TMEM59L: variants seen among roughly 807,000 people sequenced by gnomAD.
TMEM59L encodes the protein transmembrane protein 59 like.
Under a neutral mutation model 39.6 loss-of-function variants are expected in TMEM59L, and 31 were observed. That is an observed-to-expected ratio of 0.78 (90% CI 0.59 to 1.06). TMEM59L has a LOEUF of 1.06. Among genes scored for constraint, TMEM59L ranks in the 50% least tolerant of loss-of-function variants. The pLI is 0.00. For missense variants in TMEM59L, 441 were observed against 451.3 expected (o/e 0.98, Z 0.21); for synonymous variants, 219 against 202.9 (o/e 1.08, Z -0.68).
intron 1 of TMEM59L, 90 bp from the exon 2 acceptor site, chr19:18,613,782 C>G (rs1261590082): frequency 9.5e-7 from 1 of 1,047,560 alleles, no homozygotes; most frequent in Non-Finnish European, 1.4e-6. Flanking sequence ...AGCGGGGAAG[C>G]CTTTCCCTGC....
chr19:18,618,441 G>A lies in TMEM59L; in HGVS notation c.849G>A (p.Trp283Ter), dbSNP rs748620615. ...TCCTCTCCGTGCTGGTGATGCTGTG[G>A]CTGAGCTGCTCCACCCTGGTGACCG... ...CLFLSVLVML[W>*]LSCSTLVTAP... Residue 283 changes from tryptophan (W) to a stop codon, truncating the protein, a stop_gained, in exon 7 of 8, where the codon TGG becomes TGA. Transcript: ENST00000262817. LOFTEE classifies it high-confidence loss of function. 2 of 1,608,112 alleles carry A rather than the reference G, an allele frequency of 1.2e-6. No homozygotes were observed. Among genetic ancestry groups the A allele is most frequent in the Non-Finnish European group, 1.7e-6 (2 of 1,179,108 alleles).
At chr19:18,613,850 C>T (rs769976618) in intron 1 of TMEM59L, 22 bp from the exon 2 acceptor site, 26 of 1,604,490 alleles carry the variant, frequency 1.6e-5, no homozygotes, top group Middle Eastern at 1.7e-4. Flanking sequence ...TGGCCTGAGC[C>T]CCCTGTCCTC....
intron 3 of TMEM59L, among the ~76,000 whole-genome samples, chr19:18,614,743 G>A (rs537253081): frequency 1.3e-3 from 194 of 152,228 alleles, no homozygotes; most frequent in Non-Finnish European, 2.2e-3. Context: ...TCGCAAGCAC[G>A]CACACACTGC....
chr19:18,613,913 C>G lies in TMEM59L; in HGVS notation c.213C>G (p.Ala71=). 3.1e-6 allele frequency: 5 copies of G among 1,613,080 alleles called. No homozygotes were observed. The highest frequency in any genetic ancestry group is 1.7e-5 in the Admixed American group (1 of 60,018). ...CCTCCGAGTCTCCCTATGACAGAGC[C>G]GTTCTGATCAGCGCTTGCGAGCGTG... ...EGASESPYDR[A]VLISACERGC... is the part of the protein sequence containing the mutation. The change falls in exon 2 of 8, where the codon GCC becomes GCG. Residue 71 remains alanine, a synonymous_variant. Coordinates refer to ENST00000262817, the MANE Select transcript of TMEM59L (RefSeq NM_012109.3).
chr19:18,617,286 T>C (rs1383013513), intron 5 of TMEM59L, 184 bp downstream of exon 5: 1 of 682,108 alleles, frequency 1.5e-6, no homozygotes, highest in Non-Finnish European at 2.7e-6. Flanking sequence ...CAGGGTTCCA[T>C]GGTCCACTTC....
At chr19:18,614,783 A>G (rs1348451139) in intron 3 of TMEM59L, among the ~76,000 whole-genome samples, 1 of 152,202 alleles carries the variant, frequency 6.6e-6, no homozygotes, top group Non-Finnish European at 1.5e-5. Context: ...CGGTTCATCT[A>G]TTGTAGTCCA....
intron 7 of TMEM59L, 129 bp downstream of exon 7, chr19:18,618,621 A>G (rs1600667386): frequency 1.6e-6 from 1 of 624,928 alleles, no homozygotes; most frequent in Non-Finnish European, 2.8e-6. Flanking sequence ...TTCTTTTTTC[A>G]TGTATATACA....
chr19:18,620,522 C>T lies in TMEM59L; in HGVS notation c.1015C>T (p.Leu339=). The T allele has an allele frequency of 6.2e-7, 1 of 1,613,688 alleles. No individual in the cohort carries two copies. Among genetic ancestry groups the T allele is most frequent in the Non-Finnish European group, 8.5e-7 (1 of 1,179,958 alleles). The change falls in exon 8 of 8, where the codon CTG becomes TTG. Residue 339 remains leucine (L), a synonymous_variant. Coordinates refer to ENST00000262817, the MANE Select transcript of TMEM59L (RefSeq NM_012109.3). The part of the protein sequence containing the change: ...SLPPYKLKLD[L]TKL ...ACCACCCTACAAGCTGAAGCTGGAC[C>T]TGACCAAGCTGTAGGCCTCCACTGG...
Position 18,613,137 on chromosome 19 carries a change from G to A in TMEM59L, c.171+8G>A. 4 of 1,275,100 alleles carry A rather than the reference G, an allele frequency of 3.1e-6. No homozygotes were observed. The highest frequency in any genetic ancestry group is 3.9e-6 in the Non-Finnish European group (4 of 1,013,698). The allele number at this position is 1,275,100 out of a possible 1,614,324, so 79.0% of individuals were successfully genotyped here. A position where few individuals can be genotyped will look rare whatever the true frequency, so the allele number is the denominator to read the frequency against. ...GGCCCGCAGCCCTCGCAGGTGAGGC[G>A]CGTGCGGTGCCAGGTGCCAGCGGGG... is the stretch of plus-strand genomic sequence containing the variant. On this transcript the variant is annotated splice_region_variant and intron_variant, in intron 1 of 7. Coordinates refer to ENST00000262817, the MANE Select transcript of TMEM59L (RefSeq NM_012109.3).
Position 18,614,211 on chromosome 19 carries a change from C to G in TMEM59L, c.408+16C>G, listed in dbSNP as rs1238783245. On this transcript the variant is annotated intron_variant, in intron 3 of 7. Coordinates refer to ENST00000262817, the MANE Select transcript of TMEM59L (RefSeq NM_012109.3). ...GGAGCAGAAGGTGGGCCTCCCACTGCGGCCTGGGGTCCCTTTTCCCAATAC... is the reference window on the plus strand; with the variant it reads ...GGAGCAGAAGGTGGGCCTCCCACTGGGGCCTGGGGTCCCTTTTCCCAATAC... 6 of 1,574,262 alleles carry G rather than the reference C, an allele frequency of 3.8e-6. No individual in the cohort carries two copies. The highest frequency in any genetic ancestry group is 4.3e-6 in the Non-Finnish European group (5 of 1,163,474).
At chr19:18,616,771 C>T (rs1159290576) in intron 4 of TMEM59L, among the ~76,000 whole-genome samples, 1 of 152,208 alleles carries the variant, frequency 6.6e-6, no homozygotes, top group Non-Finnish European at 1.5e-5. Flanking sequence ...AGGCAATTCA[C>T]TGGCTTGGTC....
At chr19:18,613,826 C>A in intron 1 of TMEM59L, 46 bp from the exon 2 acceptor site, 11 of 1,467,442 alleles carry the variant, frequency 7.5e-6, no homozygotes, top group East Asian at 2.3e-5. Context: ...CCACCCTCCT[C>A]CTGCCCCTCC....
At chr19:18,617,485 T>C in intron 5 of TMEM59L, 1 of 464,296 alleles carries the variant, frequency 2.2e-6, no homozygotes. Context: ...GGATCCATGG[T>C]TCACTTTCCA....
chr19:18,620,375 C>A, intron 7 of TMEM59L, 33 bp from the exon 8 acceptor site: 1 of 1,580,472 alleles, frequency 6.3e-7, no homozygotes, highest in East Asian at 2.3e-5. Context: ...TCTCCCCGTC[C>A]CTCCACTTCC....
At position 18,617,048 on chromosome 19, in the gene TMEM59L, C is replaced by T. The variant is rs150479603; in HGVS notation, c.610C>T (p.Arg204Cys). ...SLGFQGGRLQ[R>C]VEVTWRGSHP... ...CGGCTTCCAGGGGGGCCGTCTGCAG[C>T]GCGTGGAGGTGACCTGGCGAGGCTC... Residue 204 changes from arginine (R) to cysteine (C), a missense_variant, in exon 5 of 8, where the codon CGC becomes TGC. Transcript: ENST00000262817. The T allele has an allele frequency of 4.3e-3, 6,949 of 1,613,190 alleles. 18 individuals are homozygous for T. The highest frequency in any genetic ancestry group is 5.3e-3 in the Non-Finnish European group (6,239 of 1,179,806).
In TMEM59L at chr19:18,613,092, G is replaced by A; in HGVS notation, c.134G>A (p.Arg45Gln). The change falls in exon 1 of 8, where the codon CGG becomes CAG. Residue 45 changes from arginine (R) to glutamine (Q), a missense_variant. Coordinates refer to ENST00000262817, the MANE Select transcript of TMEM59L (RefSeq NM_012109.3). Reference sequence around the variant, plus strand: ...GGGGACACGCAGAACTGCCAGCTGCGGTGCCGCGACCGCGACCTCGGCCCG... The same window carrying A: ...GGGGACACGCAGAACTGCCAGCTGCAGTGCCGCGACCGCGACCTCGGCCCG... ...QLGDTQNCQL[R>Q]CRDRDLGPQP... 3 of 1,330,506 alleles carry A rather than the reference G, an allele frequency of 2.3e-6. No individual in the cohort carries two copies. Among genetic ancestry groups the A allele is most frequent in the Non-Finnish European group, 2.9e-6 (3 of 1,044,154 alleles). The allele number at this position is 1,330,506 out of a possible 1,614,324, so 82.4% of individuals were successfully genotyped here. A position where few individuals can be genotyped will look rare whatever the true frequency, so the allele number is the denominator to read the frequency against.
At position 18,616,006 on chromosome 19, in the gene TMEM59L, T is replaced by A; in HGVS notation, c.440T>A (p.Leu147His). The A allele has an allele frequency of 6.2e-7, 1 of 1,614,062 alleles. No homozygotes were observed. The highest frequency in any genetic ancestry group is 8.5e-7 in the Non-Finnish European group (1 of 1,179,984). Residue 147 changes from leucine (L) to histidine (H), a missense_variant, in exon 4 of 8, where the codon CTC becomes CAC. Physicochemically the swap from Leu to His is moderately conservative, Grantham distance 99. Transcript: ENST00000262817. ...RKVLEAPSGA[L>H]SLLDLFSTLC... ...GTCCTGGAGGCTCCAAGTGGGGCCC[T>A]CTCCCTCTTGGACTTGTTTTCCACC...
At position 18,616,022 on chromosome 19, in the gene TMEM59L, G is replaced by C. The variant is rs1976423624; in HGVS notation, c.456G>C (p.Leu152Phe). The change falls in exon 4 of 8, where the codon TTG (leucine) becomes TTC (phenylalanine). Residue 152 changes from leucine to phenylalanine, a missense_variant. Coordinates refer to ENST00000262817, the MANE Select transcript of TMEM59L (RefSeq NM_012109.3). ...GTGGGGCCCTCTCCCTCTTGGACTT[G>C]TTTTCCACCCTCTGCAATGACCTTG... ...APSGALSLLD[L>F]FSTLCNDLVN... is the part of the protein sequence containing the mutation. 2 of 1,613,980 alleles carry C rather than the reference G, an allele frequency of 1.2e-6. No homozygotes were observed. The highest frequency in any genetic ancestry group is 1.7e-6 in the Non-Finnish European group (2 of 1,180,006).
In TMEM59L at chr19:18,618,281, C is replaced by T; in HGVS notation, c.782+9C>T. 6.9e-7 allele frequency: 1 copy of T among 1,448,020 alleles called. No homozygotes were observed. The highest frequency in any genetic ancestry group is 9.2e-7 in the Non-Finnish European group (1 of 1,085,520). The allele number at this position is 1,448,020 out of a possible 1,614,324, so 89.7% of individuals were successfully genotyped here. On this transcript the variant is annotated intron_variant, in intron 6 of 7. Coordinates refer to ENST00000262817, the MANE Select transcript of TMEM59L (RefSeq NM_012109.3). ...CTCAGTTGCATGTCCCGGTGGGTGG[C>T]AGGACCTTGGGGGTGGGAGGGGGGT...
Sources: allele counts gnomAD v4.1 joint callset (sites outside exome capture counted in the v4.1 genomes callset), GRCh38; gene constraint gnomAD v4.1.1; transcripts MANE v1.5; gene names NCBI Gene and HGNC (gene_info 2026-07-23, HGNC 2026-07-21).